Variants in RRN3 observed in about 807,000 individuals in gnomAD.
RRN3 encodes the protein RNA polymerase I-specific transcription initiation factor RRN3.
Under a neutral mutation model 82.3 loss-of-function variants are expected in RRN3, and 38 were observed. The ratio of observed to expected loss-of-function variants is 0.46; its 90% confidence interval spans 0.36 to 0.61. RRN3 has a LOEUF of 0.61. Ranked by LOEUF, RRN3 falls within the 20% of genes least tolerant of loss-of-function variation. The pLI, the probability that RRN3 is intolerant of heterozygous loss-of-function variation, is 0.00. For synonymous variants in RRN3, 284 were observed against 284.3 expected, an observed-to-expected ratio of 1.00 and a Z score of 0.01; for missense variants, 726 against 793.1, an observed-to-expected ratio of 0.92 and a Z score of 1.02.
At position 15,083,503 on chromosome 16, in the gene RRN3, G is replaced by C. The variant is rs2045789119; in HGVS notation, c.666+10C>G. 6.2e-7 allele frequency: 1 copy of C among 1,608,920 alleles called. No homozygotes were observed. The highest frequency in any genetic ancestry group is 8.5e-7 in the Non-Finnish European group (1 of 1,179,034). On this transcript the variant is annotated intron_variant, in intron 8 of 17. Coordinates refer to ENST00000198767, the MANE Select transcript of RRN3 (RefSeq NM_018427.5). ...TTTTCCATGATGTTCTCAATGAAAA[G>C]ATTTCTTACCAGTGTTCTCTCTGAT...
chr16:15,071,976 C>G (rs2045252125), intron 12 of RRN3, among the ~76,000 whole-genome samples: 2 of 152,158 alleles, frequency 1.3e-5, no homozygotes, highest in Admixed American at 1.3e-4. Flanking sequence ...GGTCTCTGGA[C>G]ACACTGAACT....
chr16:15,087,519 A>G (rs2045955894), intron 3 of RRN3, among the ~76,000 whole-genome samples: 2 of 152,100 alleles, frequency 1.3e-5, no homozygotes, highest in African/African-American at 4.8e-5. Context: ...CCCCACCTTA[A>G]TTCAGCTACT....
At chr16:15,077,657 C>G (rs569345092) in intron 9 of RRN3, among the ~76,000 whole-genome samples, 1 of 152,126 alleles carries the variant, frequency 6.6e-6, no homozygotes, top group African/African-American at 2.4e-5. Flanking sequence ...CTGGCTAACA[C>G]GGTGAAACCC....
intron 3 of RRN3, among the ~76,000 whole-genome samples, chr16:15,090,495 A>G (rs2046088031): frequency 1.3e-5 from 2 of 152,206 alleles, no homozygotes; most frequent in Admixed American, 1.3e-4. Context: ...GCTTTTTAGA[A>G]GGCTGAAGAG....
chr16:15,078,884 TCA>T (rs1390306712), intron 9 of RRN3, among the ~76,000 whole-genome samples: 2 of 149,618 alleles, frequency 1.3e-5, no homozygotes, highest in East Asian at 3.9e-4. Flanking sequence ...CAATCTCGGC[TCA>T]CTGCAAGCTC....
At chr16:15,091,499 G>A (rs2046128102) in intron 2 of RRN3, 128 bp from the exon 3 acceptor site, 2 of 671,376 alleles carry the variant, frequency 3.0e-6, no homozygotes, top group East Asian at 5.8e-5. Context: ...CATGTCAATT[G>A]CGGATTATAA....
At chr16:15,085,296 T>C (rs1394369013) in intron 6 of RRN3, among the ~76,000 whole-genome samples, 1 of 151,366 alleles carries the variant, frequency 6.6e-6, no homozygotes, top group Non-Finnish European at 1.5e-5. Context: ...GTCTACTTAT[T>C]AGAATAGGTG....
intron 3 of RRN3, among the ~76,000 whole-genome samples, chr16:15,088,982 G>A (rs1239184794): frequency 1.3e-5 from 2 of 152,036 alleles, no homozygotes; most frequent in African/African-American, 2.4e-5. Flanking sequence ...TGATGATTCT[G>A]GGTAAATGCA....
Position 15,061,366 on chromosome 16 carries a change from C to G in RRN3, c.*378G>C, listed in dbSNP as rs2044703901. On this transcript the variant is annotated 3_prime_UTR_variant, in exon 18 of 18. Transcript: ENST00000198767. The stretch of plus-strand genomic sequence containing the variant: ...TCAGTCAAGTCCTAAGACCATGGAT[C>G]TGACAAAAACCCATGTTAAAACAGC... The G allele has an allele frequency of 4.9e-6, 1 of 203,272 alleles. No individual in the cohort carries two copies. The highest frequency in any genetic ancestry group is 9.8e-6 in the Non-Finnish European group (1 of 102,120). 12.6% of individuals were successfully genotyped at this position (203,272 alleles called of 1,614,324 possible). A position where few individuals can be genotyped will look rare whatever the true frequency, so the allele number is the denominator to read the frequency against.
intron 6 of RRN3, 119 bp from the exon 7 acceptor site, chr16:15,084,824 G>C: frequency 1.4e-6 from 1 of 738,608 alleles, no homozygotes; most frequent in South Asian, 1.5e-5. Context: ...CCAGCACTTT[G>C]GGAGGCCGAG....
intron 17 of RRN3, among the ~76,000 whole-genome samples, chr16:15,062,760 T>C (rs1333774157): frequency 6.6e-6 from 1 of 152,242 alleles, no homozygotes; most frequent in East Asian, 1.9e-4. Flanking sequence ...GTATGTGAAG[T>C]GTCTGGTTTA....
chr16:15,073,979 G>A (rs2045346661), intron 11 of RRN3, among the ~76,000 whole-genome samples: 1 of 152,100 alleles, frequency 6.6e-6, no homozygotes. Context: ...AAACACTTGT[G>A]TTTAGTGTGA....
chr16:15,094,160 C>T lies in RRN3; in HGVS notation c.74G>A (p.Gly25Asp). Reference sequence around the variant, plus strand: ...TGAATCTTACCCAGTCCTCGACGCGCCCAGCTTCTTAACTGCAGAGGACGA... The same window carrying T: ...TGAATCTTACCCAGTCCTCGACGCGTCCAGCTTCTTAACTGCAGAGGACGA... ...AASSSAVKKLGASRTGISNMR... is the reference protein window; with the variant it reads ...AASSSAVKKLDASRTGISNMR... Residue 25 changes from glycine to aspartate, a missense_variant, in exon 1 of 18, where the codon GGC becomes GAC. Gly to Asp is a moderately conservative substitution (Grantham distance 94). Transcript: ENST00000198767. 6.2e-7 allele frequency: 1 copy of T among 1,600,866 alleles called. No homozygotes were observed. The highest frequency in any genetic ancestry group is 1.1e-5 in the South Asian group (1 of 88,408).
chr16:15,082,669 C>T (rs2045756172), intron 8 of RRN3, among the ~76,000 whole-genome samples: 1 of 151,238 alleles, frequency 6.6e-6, no homozygotes, highest in South Asian at 2.1e-4. Context: ...GGAGACTGTC[C>T]CCCCACCCCT....
chr16:15,063,283 C>G lies in RRN3; in HGVS notation c.1707G>C (p.Arg569Ser), dbSNP rs571309624. 18 of 1,606,908 alleles carry G rather than the reference C, an allele frequency of 1.1e-5. No homozygotes were observed. The highest frequency in any genetic ancestry group is 1.5e-5 in the Non-Finnish European group (18 of 1,173,548). Residue 569 changes from arginine to serine, a missense_variant and splice_region_variant, in exon 17 of 18, where the codon AGG becomes AGC. Arg to Ser is a moderately radical substitution (Grantham distance 110). Coordinates refer to ENST00000198767, the MANE Select transcript of RRN3 (RefSeq NM_018427.5). ...FFPFDPCVLK[R>S]SKKFIDPIYQ... ...AAATAGGATCAATGAATTTCTTTGA[C>G]CTGTCAACAAAGATCACATTTCAAA...
chr16:15,065,516 G>C (rs1426539605), intron 15 of RRN3, 145 bp from the exon 16 acceptor site: 6 of 626,448 alleles, frequency 9.6e-6, no homozygotes, highest in Non-Finnish European at 1.6e-5. Flanking sequence ...ATATAAAGCA[G>C]AAAGTAACAC....
chr16:15,072,996 G>A lies in RRN3; in HGVS notation c.1082C>T (p.Ser361Phe), dbSNP rs747390902. Residue 361 changes from serine to phenylalanine, a missense_variant, in exon 12 of 18, where the codon TCC becomes TTC. Ser to Phe is a radical substitution (Grantham distance 155). This residue lies in a region of RRN3 where 344 missense variants were observed against 394.5 expected (regional missense o/e 0.87). Transcript: ENST00000198767. ...FDKLLLPTHA[S>F]CHVQFFMFYL... ...AAACATGAAAAACTGTACATGGCAG[G>A]AGGCATGGGTGGGCAACAGGAGTTT... is the stretch of plus-strand genomic sequence containing the variant. 6.2e-7 allele frequency: 1 copy of A among 1,613,734 alleles called. No individual in the cohort carries two copies.
intron 3 of RRN3, among the ~76,000 whole-genome samples, chr16:15,087,708 C>T (rs1041724768): frequency 6.6e-6 from 1 of 152,200 alleles, no homozygotes; most frequent in African/African-American, 2.4e-5. Flanking sequence ...AGGCCAAAGG[C>T]ATGTAGAAAA....
rs192030946 is a variant in RRN3, at chr16:15,081,821, A to G, written c.666+1692T>C. 1.2e-3 allele frequency among the ~76,000 whole-genome samples: 180 copies of G among 152,208 alleles called. 1 individual carries two copies. Among genetic ancestry groups the G allele is most frequent in the African/African-American group, 4.3e-3 (178 of 41,514 alleles). ...TTTTTACTCTTCATGTAGGGCTTTT[A>G]TTGAGTTCATTTTTAAATATGGATA... is the stretch of plus-strand genomic sequence containing the variant. On this transcript the variant is annotated intron_variant, in intron 8 of 17. Transcript: ENST00000198767.
Sources: gnomAD v4.1 joint callset for allele counts (sites outside exome capture counted in the v4.1 genomes callset) on GRCh38, gnomAD v4.1.1 for gene constraint, gnomAD v4.1.1 regional missense constraint, MANE v1.5 for transcripts, NCBI Gene and HGNC (gene_info 2026-07-23, HGNC 2026-07-21) for gene names.